Variants in LRBA observed in about 807,000 individuals in gnomAD.
LRBA encodes LPS responsive beige-like anchor protein.
A neutral mutation model predicts 330.0 loss-of-function variants in LRBA; 176 were observed. The observed-to-expected ratio is 0.53, with a 90% CI of 0.47 to 0.60. The LOEUF (loss-of-function observed/expected upper bound fraction) is 0.60, where lower values mean the gene tolerates loss of function less well. Among genes scored for constraint, LRBA ranks in the 20% least tolerant of loss-of-function variants. The pLI, the probability that LRBA is intolerant of heterozygous loss-of-function variation, is 0.00. For synonymous variants in LRBA, 1,230 were observed against 1,193.0 expected (o/e 1.03, Z -0.64); for missense variants, 3,259 against 3,444.8 (o/e 0.95, Z 1.35).
chr4:150,867,712 A>G lies in LRBA; in HGVS notation c.2725T>C (p.Trp909Arg). ...YHAVKYEWGGWRVWVDTLSIT... is the reference protein window; with the variant it reads ...YHAVKYEWGGRRVWVDTLSIT... ...GATAAAGTGTCTACCCATACACGCCAGCCACCCCACTCATATTTGACTGCA... is the reference window on the plus strand; with the variant it reads ...GATAAAGTGTCTACCCATACACGCCGGCCACCCCACTCATATTTGACTGCA... Residue 909 changes from tryptophan (W) to arginine (R), a missense_variant, in exon 22 of 57, where the codon TGG becomes CGG. Coordinates refer to ENST00000651943, the MANE Select transcript of LRBA (RefSeq NM_001364905.1). 1 of 1,613,790 alleles carries G rather than the reference A, an allele frequency of 6.2e-7. No homozygotes were observed. Among genetic ancestry groups the G allele is most frequent in the Non-Finnish European group, 8.5e-7 (1 of 1,179,858 alleles).
intron 56 of LRBA, among the ~76,000 whole-genome samples, chr4:150,267,406 GAAAGT>G (rs1312616629): frequency 1.3e-5 from 2 of 149,226 alleles, no homozygotes; most frequent in Admixed American, 1.3e-4. Context: ...CAAATATGTG[GAAAGT>G]AAATAAATGA....
intron 4 of LRBA, among the ~76,000 whole-genome samples, chr4:150,927,037 C>T (rs1054519787): frequency 3.4e-5 from 5 of 147,704 alleles, no homozygotes; most frequent in Non-Finnish European, 7.4e-5. Context: ...CACCACTGGA[C>T]GTTAGCCTGG....
chr4:150,724,808 T>C (rs1421263095), intron 36 of LRBA, among the ~76,000 whole-genome samples: 1 of 150,290 alleles, frequency 6.7e-6, no homozygotes, highest in African/African-American at 2.4e-5. Flanking sequence ...ACCACTGCAC[T>C]GCAGCCTGGG....
chr4:150,565,275 T>C lies in LRBA; in HGVS notation c.6330+22773A>G, dbSNP rs138753706. Among the ~76,000 whole-genome samples, 205 of 152,186 alleles carry C rather than the reference T, an allele frequency of 1.3e-3. 3 individuals carry two copies. In the East Asian group the frequency reaches 0.033, roughly 25 times the overall value. On this transcript the variant is annotated intron_variant, in intron 40 of 56. Transcript: ENST00000651943. The stretch of plus-strand genomic sequence containing the variant: ...AACCAACACCACATGTTCTCACTAA[T>C]AAGTGGGAATTGAACTATGAGAACA...
chr4:150,979,017 T>G (rs781140664), intron 2 of LRBA, among the ~76,000 whole-genome samples: 2 of 152,050 alleles, frequency 1.3e-5, no homozygotes, highest in Non-Finnish European at 2.9e-5. Context: ...TAGAGAAAGA[T>G]ATCAATACTC....
chr4:150,598,648 T>A (rs184808836), intron 38 of LRBA, among the ~76,000 whole-genome samples: 39 of 152,258 alleles, frequency 2.6e-4, no homozygotes, highest in Non-Finnish European at 4.6e-4. Flanking sequence ...TAGAAACTTA[T>A]CTGGTTTGTA....
chr4:150,297,382 G>A (rs1729106883), intron 53 of LRBA, among the ~76,000 whole-genome samples: 1 of 152,160 alleles, frequency 6.6e-6, no homozygotes, highest in Admixed American at 6.5e-5. Context: ...TTGCATCATG[G>A]AGCACTAAAC....
At chr4:150,304,227 C>G (rs1730068301) in intron 52 of LRBA, among the ~76,000 whole-genome samples, 2 of 151,820 alleles carry the variant, frequency 1.3e-5, no homozygotes, top group African/African-American at 4.8e-5. Context: ...GTTAAGGTCC[C>G]AAGTACTGGC....
intron 30 of LRBA, among the ~76,000 whole-genome samples, chr4:150,824,052 C>G (rs1023309096): frequency 6.6e-6 from 1 of 152,096 alleles, no homozygotes; most frequent in Non-Finnish European, 1.5e-5. Flanking sequence ...ATTAATTCTT[C>G]CAATCCATGA....
intron 40 of LRBA, among the ~76,000 whole-genome samples, chr4:150,507,131 T>A (rs1289681145): frequency 1.3e-5 from 2 of 151,220 alleles, no homozygotes; most frequent in African/African-American, 2.4e-5. Flanking sequence ...AGAATCAATA[T>A]CATGAAAATG....
Position 150,299,193 on chromosome 4 carries a change from G to T in LRBA, c.8017+3432C>A, listed in dbSNP as rs1237877101. Reference sequence around the variant, plus strand: ...CTCAGTCCTAAAACACAGAGTACTAGGACAAGGAGAGAGAGATGCCATGCT... The same window carrying T: ...CTCAGTCCTAAAACACAGAGTACTATGACAAGGAGAGAGAGATGCCATGCT... On this transcript the variant is annotated intron_variant, in intron 53 of 56. Coordinates refer to ENST00000651943, the MANE Select transcript of LRBA (RefSeq NM_001364905.1). Among the ~76,000 whole-genome samples the T allele has an allele frequency of 2.0e-5, 3 of 151,960 alleles. No individual in the cohort carries two copies. In the East Asian group the frequency reaches 5.8e-4, roughly 29 times the overall value.
At chr4:150,577,723 T>A (rs1447133868) in intron 40 of LRBA, among the ~76,000 whole-genome samples, 1 of 152,142 alleles carries the variant, frequency 6.6e-6, no homozygotes, top group Non-Finnish European at 1.5e-5. Flanking sequence ...TTTTTACAGA[T>A]AATAAAATAA....
intron 38 of LRBA, among the ~76,000 whole-genome samples, chr4:150,597,279 A>G (rs1315542450): frequency 2.6e-5 from 4 of 152,016 alleles, no homozygotes; most frequent in Admixed American, 2.0e-4. Flanking sequence ...GCATTAAAAA[A>G]GCTGACAAAA....
intron 5 of LRBA, among the ~76,000 whole-genome samples, chr4:150,919,925 G>C (rs1297283737): frequency 2.0e-5 from 3 of 149,062 alleles, no homozygotes; most frequent in African/African-American, 7.4e-5. Flanking sequence ...CATGAAAAAG[G>C]TTAATCTCAT....
chr4:150,507,012 A>G (rs1314819228), intron 40 of LRBA, among the ~76,000 whole-genome samples: 2 of 151,634 alleles, frequency 1.3e-5, no homozygotes, highest in Non-Finnish European at 2.9e-5. Flanking sequence ...TAGGAATCCA[A>G]CTTACAAGGG....
At position 150,268,832 on chromosome 4, in the gene LRBA, AC is replaced by A. The variant is rs145988566; in HGVS notation, c.8469-3021del. Among the ~76,000 whole-genome samples the A allele has an allele frequency of 1.6e-4, 25 of 152,346 alleles. No homozygotes were observed. In the East Asian group the frequency reaches 4.0e-3, roughly 25 times the overall value. On this transcript the variant is annotated intron_variant, in intron 56 of 56. Transcript: ENST00000651943. ...AAAAGTTTTTCCCCTATGATTGGGA[AC>A]AAGGCAAGGATGCCCACTTTAATCA...
intron 53 of LRBA, among the ~76,000 whole-genome samples, chr4:150,301,767 C>T (rs1729708428): frequency 6.6e-6 from 1 of 152,078 alleles, no homozygotes; most frequent in Non-Finnish European, 1.5e-5. Context: ...TGTGATCCTT[C>T]CTTAACCAAA....
At chr4:150,971,265 T>C (rs1739552623) in intron 2 of LRBA, among the ~76,000 whole-genome samples, 1 of 152,176 alleles carries the variant, frequency 6.6e-6, no homozygotes, top group Non-Finnish European at 1.5e-5. Flanking sequence ...AAAGTAGTCC[T>C]GGCAGGGACA....
chr4:150,972,236 G>C (rs1739659607), intron 2 of LRBA, among the ~76,000 whole-genome samples: 1 of 151,824 alleles, frequency 6.6e-6, no homozygotes, highest in Non-Finnish European at 1.5e-5. Flanking sequence ...AAGTTAACAA[G>C]GGTTTTAAAC....
Sources: gnomAD v4.1 joint callset for allele counts (sites outside exome capture counted in the v4.1 genomes callset) on GRCh38, gnomAD v4.1.1 for gene constraint, MANE v1.5 for transcripts, NCBI Gene and HGNC (gene_info 2026-07-23, HGNC 2026-07-21) for gene names.